The following CCDC148 variants were observed in gnomAD, a reference collection of about 807,000 sequenced individuals.
The protein encoded by CCDC148 is coiled-coil domain containing 148, also known as coiled-coil domain-containing protein 148.
Under a neutral mutation model 85.7 loss-of-function variants are expected in CCDC148, and 89 were observed. The observed-to-expected ratio is 1.04, with a 90% CI of 0.87 to 1.24. The LOEUF (loss-of-function observed/expected upper bound fraction) is 1.24, where lower values mean the gene tolerates loss of function less well. Ranked by LOEUF, CCDC148 falls within the 50% of genes most tolerant of loss-of-function variation. The probability of loss-of-function intolerance (pLI) is 0.00; values close to 1 mark genes in which losing one functional copy is unlikely to be tolerated. For synonymous variants in CCDC148, 230 were observed against 213.9 expected (o/e 1.08, Z -0.66); for missense variants, 692 against 671.7 (o/e 1.03, Z -0.33).
At chr2:158,277,658 G>A (rs532513172) in intron 9 of CCDC148, among the ~76,000 whole-genome samples, 48 of 139,922 alleles carry the variant, frequency 3.4e-4, no homozygotes, top group African/African-American at 5.2e-4. Context: ...GTGCAGTGGC[G>A]TGATCTCGCC....
chr2:158,267,154 C>T (rs1288936772), intron 9 of CCDC148, among the ~76,000 whole-genome samples: 1 of 152,000 alleles, frequency 6.6e-6, no homozygotes, highest in Non-Finnish European at 1.5e-5. Flanking sequence ...AAAGAACATT[C>T]ATTCCTTTCT....
chr2:158,230,177 TAAA>T (rs1165864273), intron 10 of CCDC148, among the ~76,000 whole-genome samples: 2 of 151,976 alleles, frequency 1.3e-5, no homozygotes, highest in Admixed American at 1.3e-4. Flanking sequence ...AACTGGTACT[TAAA>T]AAAAATAAAG....
At chr2:158,298,834 A>G (rs772004281) in intron 9 of CCDC148, among the ~76,000 whole-genome samples, 3 of 152,188 alleles carry the variant, frequency 2.0e-5, no homozygotes, top group South Asian at 2.1e-4. Flanking sequence ...TCTTTTAACT[A>G]CAAATATCTG....
At chr2:158,394,009 TTCTTTGTAGA>T (rs1031357581) in intron 1 of CCDC148, among the ~76,000 whole-genome samples, 55 of 152,140 alleles carry the variant, frequency 3.6e-4, no homozygotes, top group Admixed American at 3.4e-3. Flanking sequence ...CCTAATATTC[TTCTTTGTAGA>T]TCTCTTACTC....
chr2:158,280,679 G>C (rs1690239309), intron 9 of CCDC148, among the ~76,000 whole-genome samples: 1 of 152,092 alleles, frequency 6.6e-6, no homozygotes, highest in African/African-American at 2.4e-5. Flanking sequence ...TTAATAACGG[G>C]AGACTTTAAC....
chr2:158,247,544 TCTA>T (rs1387524866), intron 10 of CCDC148, among the ~76,000 whole-genome samples: 1 of 152,142 alleles, frequency 6.6e-6, no homozygotes, highest in East Asian at 1.9e-4. Context: ...CTAGCTCACT[TCTA>T]CTACGGAACA....
chr2:158,438,898 G>C (rs532969555), intron 1 of CCDC148, among the ~76,000 whole-genome samples: 1 of 152,170 alleles, frequency 6.6e-6, no homozygotes, highest in Non-Finnish European at 1.5e-5. Flanking sequence ...CTGGCCATCA[G>C]AGAAATGCAA....
intron 9 of CCDC148, 28 bp from the exon 10 acceptor site, chr2:158,250,940 A>G: frequency 1.3e-6 from 2 of 1,585,964 alleles, no homozygotes; most frequent in East Asian, 2.2e-5. Context: ...ACTTCATTCC[A>G]GTAACTATGC....
intron 1 of CCDC148, among the ~76,000 whole-genome samples, chr2:158,434,276 A>C (rs971969236): frequency 6.6e-6 from 1 of 152,188 alleles, no homozygotes; most frequent in African/African-American, 2.4e-5. Context: ...CGAAGTGTCC[A>C]GAAGAAGGAT....
At chr2:158,363,815 G>A (rs1330350708) in intron 1 of CCDC148, among the ~76,000 whole-genome samples, 2 of 152,174 alleles carry the variant, frequency 1.3e-5, no homozygotes, top group African/African-American at 2.4e-5. Flanking sequence ...TCTGGCCAGG[G>A]CAATTAGGCA....
intron 2 of CCDC148, among the ~76,000 whole-genome samples, chr2:158,355,001 A>C (rs1395525736): frequency 6.6e-5 from 10 of 152,226 alleles, no homozygotes; most frequent in Non-Finnish European, 8.8e-5. Context: ...CAATAGATGC[A>C]GAAAAAGCCT....
chr2:158,177,068 C>T (rs769832968), intron 12 of CCDC148, among the ~76,000 whole-genome samples: 2 of 151,618 alleles, frequency 1.3e-5, no homozygotes, highest in Non-Finnish European at 2.9e-5. Context: ...TGGTAACAAC[C>T]CCATGAAGTT....
intron 3 of CCDC148, among the ~76,000 whole-genome samples, chr2:158,343,587 C>T (rs1682849949): frequency 1.3e-5 from 2 of 152,164 alleles, no homozygotes; most frequent in African/African-American, 4.8e-5. Flanking sequence ...TTATCCTCCG[C>T]CTGCCTGAGA....
At chr2:158,217,325 T>TAA (rs1334715165) in intron 11 of CCDC148, among the ~76,000 whole-genome samples, 19 of 101,054 alleles carry the variant, frequency 1.9e-4, no homozygotes, top group African/African-American at 5.7e-4. Flanking sequence ...TATATATATA[T>TAA]ATAATTTTGT....
Position 158,386,211 on chromosome 2 carries a change from C to T in CCDC148, c.26-27641G>A, listed in dbSNP as rs1685081769. Among the ~76,000 whole-genome samples, 3 of 152,046 alleles carry T rather than the reference C, an allele frequency of 2.0e-5. No homozygotes were observed. The South Asian group carries it at 6.2e-4, about 32-fold the overall frequency. On this transcript the variant is annotated intron_variant, in intron 1 of 13. Transcript: ENST00000283233. ...ACTATAAAATAGCTGCTATTAGTCTCATTTTTCAGGTGAAAAAACTGAGGC... is the reference window on the plus strand; with the variant it reads ...ACTATAAAATAGCTGCTATTAGTCTTATTTTTCAGGTGAAAAAACTGAGGC...
rs201834765 is a variant in CCDC148, at chr2:158,338,748, G to C, written c.742C>G (p.Leu248Val). Residue 248 changes from leucine (L) to valine (V), a missense_variant, in exon 7 of 14, where the codon CTG (leucine) becomes GTG (valine). Transcript: ENST00000283233. ...KYQKKLQDFNLQLEDIYRNCQ... is the reference protein window; with the variant it reads ...KYQKKLQDFNVQLEDIYRNCQ... ...CACCTGTATATGTCTTCCAACTGCAGATTAAAGTCTTGAAGCTTCTTCTGA... is the reference window on the plus strand; with the variant it reads ...CACCTGTATATGTCTTCCAACTGCACATTAAAGTCTTGAAGCTTCTTCTGA... 181 of 1,607,958 alleles carry C rather than the reference G, an allele frequency of 1.1e-4. No homozygotes were observed. In the East Asian group the frequency reaches 4.0e-3, roughly 36 times the overall value.
intron 9 of CCDC148, among the ~76,000 whole-genome samples, chr2:158,299,842 A>G (rs1204009408): frequency 6.6e-6 from 1 of 152,208 alleles, no homozygotes; most frequent in African/African-American, 2.4e-5. Context: ...GATACTGTGG[A>G]GAACTACCAA....
chr2:158,439,678 C>A (rs1314191657), intron 1 of CCDC148, among the ~76,000 whole-genome samples: 1 of 151,932 alleles, frequency 6.6e-6, no homozygotes, highest in Admixed American at 6.6e-5. Flanking sequence ...TGTATATATG[C>A]TGGCAACATG....
chr2:158,238,186 G>A (rs1234968023), intron 10 of CCDC148, among the ~76,000 whole-genome samples: 1 of 152,102 alleles, frequency 6.6e-6, no homozygotes, highest in South Asian at 2.1e-4. Flanking sequence ...TCATAATGGT[G>A]TATTTTTAGG....
Sources: gnomAD v4.1 joint callset for allele counts (sites outside exome capture counted in the v4.1 genomes callset) on GRCh38, gnomAD v4.1.1 for gene constraint, MANE v1.5 for transcripts, NCBI Gene and HGNC (gene_info 2026-07-23, HGNC 2026-07-21) for gene names.